SVIL: variants seen among roughly 807,000 people sequenced by gnomAD.
SVIL encodes the protein supervillin, also known as archvillin.
A neutral mutation model predicts 240.4 loss-of-function variants in SVIL; 101 were observed. The ratio of observed to expected loss-of-function variants is 0.42; its 90% CI spans 0.36 to 0.50. The LOEUF (loss-of-function observed/expected upper bound fraction) is 0.50, where lower values mean the gene tolerates loss of function less well. Among genes scored for constraint, SVIL ranks in the 20% least tolerant of loss-of-function variants. SVIL has a pLI of 0.01. For synonymous variants in SVIL, 999 were observed against 1,100.0 expected, an observed-to-expected ratio of 0.91 and a Z score of 1.82; for missense variants, 2,512 against 2,818.7, an observed-to-expected ratio of 0.89 and a Z score of 2.46.
chr10:29,536,946 A>G (rs1214366469), intron 6 of SVIL, among the ~76,000 whole-genome samples: 8 of 150,096 alleles, frequency 5.3e-5, no homozygotes, highest in Non-Finnish European at 3.0e-5. Flanking sequence ...GGAGTCTATT[A>G]TAGTCACACT....
At chr10:29,705,534 T>C (rs889640113) in intron 1 of SVIL, among the ~76,000 whole-genome samples, 1 of 152,096 alleles carries the variant, frequency 6.6e-6, no homozygotes, top group Middle Eastern at 3.2e-3. Flanking sequence ...GTTTATTAGA[T>C]AGGTAAACGT....
intron 1 of SVIL, among the ~76,000 whole-genome samples, chr10:29,632,639 A>G (rs529581544): frequency 6.6e-6 from 1 of 152,332 alleles, no homozygotes; most frequent in African/African-American, 2.4e-5. Flanking sequence ...AAGATAAAGA[A>G]CTGTTTGTTG....
intron 1 of SVIL, among the ~76,000 whole-genome samples, chr10:29,707,152 T>C (rs1428993206): frequency 1.3e-5 from 2 of 152,216 alleles, no homozygotes; most frequent in Admixed American, 6.5e-5. Context: ...AAAATTAAAG[T>C]AGTTTCTATC....
At chr10:29,698,889 T>C (rs1237098191) in intron 1 of SVIL, among the ~76,000 whole-genome samples, 1 of 152,192 alleles carries the variant, frequency 6.6e-6, no homozygotes, top group African/African-American at 2.4e-5. Flanking sequence ...ACTACACAAC[T>C]GGTGACTCTG....
intron 1 of SVIL, among the ~76,000 whole-genome samples, chr10:29,688,016 T>A (rs1961217600): frequency 6.6e-6 from 1 of 152,112 alleles, no homozygotes; most frequent in South Asian, 2.1e-4. Flanking sequence ...TTCACACACA[T>A]ATGCAGAAGC....
intron 1 of SVIL, among the ~76,000 whole-genome samples, chr10:29,618,579 T>G (rs952276998): frequency 2.0e-5 from 3 of 152,194 alleles, no homozygotes; most frequent in Non-Finnish European, 4.4e-5. Context: ...TGCCTTCTTT[T>G]CACTCATGTG....
chr10:29,459,350 C>T (rs1186246203), intron 36 of SVIL, among the ~76,000 whole-genome samples: 1 of 152,094 alleles, frequency 6.6e-6, no homozygotes, highest in African/African-American at 2.4e-5. Flanking sequence ...CTCACCTTGT[C>T]ACAGAGTTTT....
At chr10:29,502,092 C>G (rs1278329019) in intron 17 of SVIL, among the ~76,000 whole-genome samples, 1 of 152,188 alleles carries the variant, frequency 6.6e-6, no homozygotes, top group Non-Finnish European at 1.5e-5. Context: ...ATTTAAAGCT[C>G]CCATTCGTTT....
Position 29,499,180 on chromosome 10 carries a change from C to A in SVIL, c.3600G>T (p.Thr1200=), listed in dbSNP as rs1948689132. ...AGTCGTTGGCCGCTCCTCTGCCTCTCGTCTTCCAGGCCTCCTCTCTCACAG... is the reference window on the plus strand; with the variant it reads ...AGTCGTTGGCCGCTCCTCTGCCTCTAGTCTTCCAGGCCTCCTCTCTCACAG... The part of the protein sequence containing the change: ...LITVREEAWK[T]RGRGAANDST... The change falls in exon 18 of 38, where the codon ACG becomes ACT. Residue 1200 remains threonine (T), a synonymous_variant. Transcript: ENST00000355867. 1 of 1,614,176 alleles carries A rather than the reference C, an allele frequency of 6.2e-7. No homozygotes were observed. Among genetic ancestry groups the A allele is most frequent in the Non-Finnish European group, 8.5e-7 (1 of 1,180,030 alleles).
At chr10:29,650,973 C>T (rs1261431545) in intron 3 of SVIL, among the ~76,000 whole-genome samples, 1 of 152,148 alleles carries the variant, frequency 6.6e-6, no homozygotes. Context: ...TGATTTCAAA[C>T]AGAGATTTCT....
intron 17 of SVIL, among the ~76,000 whole-genome samples, chr10:29,501,945 G>GTGTGGTA (rs1948930758): frequency 1.3e-5 from 2 of 152,128 alleles, no homozygotes; most frequent in South Asian, 4.1e-4. Context: ...TCCAGGGTGG[G>GTGTGGTA]GTAGTGGGTG....
At chr10:29,530,801 G>A in intron 10 of SVIL, 133 bp from the exon 11 acceptor site, 1 of 974,830 alleles carries the variant, frequency 1.0e-6, no homozygotes, top group Non-Finnish European at 1.6e-6. Context: ...ATTGGTGGTA[G>A]TTTCCCCTTG....
chr10:29,685,408 G>T (rs1023176841), intron 2 of SVIL, among the ~76,000 whole-genome samples: 2 of 152,212 alleles, frequency 1.3e-5, no homozygotes, highest in Admixed American at 1.3e-4. Context: ...CCTTATGGCA[G>T]AACAATGTAT....
intron 1 of SVIL, among the ~76,000 whole-genome samples, chr10:29,690,099 G>T (rs1453567667): frequency 6.6e-6 from 1 of 152,078 alleles, no homozygotes; most frequent in Non-Finnish European, 1.5e-5. Flanking sequence ...TGTAACACTG[G>T]TCATCTTTAT....
chr10:29,529,661 A>T (rs1197441162), intron 12 of SVIL, 44 bp downstream of exon 12: 4 of 1,536,154 alleles, frequency 2.6e-6, no homozygotes, highest in Non-Finnish European at 2.6e-6. Flanking sequence ...TTTTTTTAAA[A>T]AAAGACACTA....
intron 15 of SVIL, 150 bp downstream of exon 15, chr10:29,523,301 G>A (rs1324198148): frequency 7.3e-6 from 5 of 682,878 alleles, no homozygotes; most frequent in African/African-American, 3.6e-5. Flanking sequence ...TCAGATCCAG[G>A]GAAGAATAGG....
intron 36 of SVIL, 95 bp downstream of exon 36, chr10:29,462,182 C>T (rs1588771894): frequency 2.1e-6 from 3 of 1,440,002 alleles, no homozygotes; most frequent in South Asian, 3.2e-5. Flanking sequence ...TTTTCCCACT[C>T]TGAAAGTGCA....
At chr10:29,679,676 C>A (rs1319362132) in intron 2 of SVIL, among the ~76,000 whole-genome samples, 1 of 151,452 alleles carries the variant, frequency 6.6e-6, no homozygotes, top group African/African-American at 2.4e-5. Context: ...CTACCTCAGC[C>A]TCCTGAGCAG....
Position 29,478,503 on chromosome 10 carries a change from C to G in SVIL, c.5377+2034G>C, listed in dbSNP as rs547990177. Among the ~76,000 whole-genome samples, 3 of 152,268 alleles carry G rather than the reference C, an allele frequency of 2.0e-5. No individual in the cohort carries two copies. The South Asian group carries it at 6.2e-4, about 32-fold the overall frequency. ...GAAAACCAAGGCTCAGACAGAGTAA[C>G]TTTACCCAGCCCACACAGCTGGTAA... On this transcript the variant is annotated intron_variant, in intron 29 of 37. Coordinates refer to ENST00000355867, the MANE Select transcript of SVIL (RefSeq NM_021738.3).
Sources: gnomAD v4.1 joint callset for allele counts (sites outside exome capture counted in the v4.1 genomes callset) on GRCh38, gnomAD v4.1.1 for gene constraint, MANE v1.5 for transcripts, NCBI Gene and HGNC (gene_info 2026-07-23, HGNC 2026-07-21) for gene names.